CDYL2: variants seen among roughly 807,000 people sequenced by gnomAD.
CDYL2 encodes the protein chromodomain Y-like protein 2.
Under a neutral mutation model 49.4 loss-of-function variants are expected in CDYL2, and 23 were observed. The ratio of observed to expected loss-of-function variants is 0.47; its 90% CI spans 0.34 to 0.66. The LOEUF is 0.66. Among genes scored for constraint, CDYL2 ranks in the 30% least tolerant of loss-of-function variants. The pLI, the probability that CDYL2 is intolerant of heterozygous loss-of-function variation, is 0.01. For missense variants in CDYL2, 678 were observed against 656.4 expected (o/e 1.03, Z -0.36); for synonymous variants, 360 against 268.8 (o/e 1.34, Z -3.32).
chr16:80,759,483 A>G (rs1435251937), intron 1 of CDYL2, among the ~76,000 whole-genome samples: 1 of 152,184 alleles, frequency 6.6e-6, no homozygotes, highest in Non-Finnish European at 1.5e-5. Context: ...TCGATGAGTC[A>G]TGACCAATAT....
intron 1 of CDYL2, among the ~76,000 whole-genome samples, chr16:80,772,363 C>G (rs143268888): frequency 2.0e-5 from 3 of 152,158 alleles, no homozygotes; most frequent in Non-Finnish European, 4.4e-5. Context: ...AAATAAAACA[C>G]TCAAAAACAA....
chr16:80,691,630 T>C (rs942230879), intron 1 of CDYL2, among the ~76,000 whole-genome samples: 6 of 152,176 alleles, frequency 3.9e-5, no homozygotes, highest in Non-Finnish European at 7.3e-5. Context: ...AACATGGTCA[T>C]AAAAATTTTT....
At chr16:80,624,362 T>A (rs1907213242) in intron 3 of CDYL2, among the ~76,000 whole-genome samples, 1 of 152,168 alleles carries the variant, frequency 6.6e-6, no homozygotes, top group South Asian at 2.1e-4. Flanking sequence ...ACTCCATACC[T>A]GCCCTGTATG....
chr16:80,638,043 G>C (rs947079612), intron 2 of CDYL2, among the ~76,000 whole-genome samples: 1 of 151,978 alleles, frequency 6.6e-6, no homozygotes, highest in Admixed American at 6.6e-5. Context: ...TAAGTAAATG[G>C]AGAAATAATC....
chr16:80,744,199 G>A (rs573800530), intron 1 of CDYL2, among the ~76,000 whole-genome samples: 1 of 152,158 alleles, frequency 6.6e-6, no homozygotes, highest in Admixed American at 6.5e-5. Context: ...GTCCAGAGAC[G>A]CAGAAAAGGC....
intron 3 of CDYL2, chr16:80,627,606 G>C (rs533537189): frequency 6.6e-6 from 1 of 152,222 alleles, no homozygotes; most frequent in Admixed American, 6.5e-5. Flanking sequence ...CTTCTTGAAA[G>C]ACCCCAAATT....
At chr16:80,659,513 G>A (rs562726469) in intron 2 of CDYL2, among the ~76,000 whole-genome samples, 2 of 152,026 alleles carry the variant, frequency 1.3e-5, no homozygotes, top group Admixed American at 6.5e-5. Flanking sequence ...ATCCACACTA[G>A]ATATTAAGGG....
intron 1 of CDYL2, among the ~76,000 whole-genome samples, chr16:80,788,358 C>T (rs1352324341): frequency 6.6e-6 from 1 of 151,956 alleles, no homozygotes; most frequent in Non-Finnish European, 1.5e-5. Flanking sequence ...CAAAGAGATG[C>T]TTTCCCATCC....
rs1386833922 is a variant in CDYL2, at chr16:80,651,178, AT to A, written c.617-17943del. 3.3e-5 allele frequency among the ~76,000 whole-genome samples: 5 copies of A among 152,332 alleles called. No homozygotes were observed. The East Asian group carries it at 5.8e-4, about 18-fold the overall frequency. On this transcript the variant is annotated intron_variant, in intron 2 of 6. Coordinates refer to ENST00000570137, the MANE Select transcript of CDYL2 (RefSeq NM_152342.4). ...ATACCCCATTTTCTATGATGTGATT[AT>A]TATGCATTGCATCCCTGTATCAAAA...
rs1908038116 is a variant in CDYL2 at position 80,804,482 on chromosome 16, G to A, written c.-309C>T. 6.9e-6 allele frequency among the ~76,000 whole-genome samples: 1 copy of A among 144,180 alleles called. No homozygotes were observed. Among genetic ancestry groups the A allele is most frequent in the Non-Finnish European group, 1.5e-5 (1 of 65,060 alleles). 94.6% of individuals were successfully genotyped at this position (144,180 alleles called of 152,430 possible). On this transcript the variant is annotated 5_prime_UTR_variant, in exon 1 of 7. Coordinates refer to ENST00000570137, the MANE Select transcript of CDYL2 (RefSeq NM_152342.4). ...GAGGCACGGACGCGGCCCGAGCGCC[G>A]CGGCCCCCGCGACCCGGCGACCCGG...
chr16:80,743,602 C>T (rs572381665), intron 1 of CDYL2, among the ~76,000 whole-genome samples: 2 of 152,320 alleles, frequency 1.3e-5, no homozygotes, highest in African/African-American at 4.8e-5. Context: ...AAACCCCAGA[C>T]ATTGTGAGCT....
At chr16:80,606,650 G>C (rs1906347606) in intron 6 of CDYL2, among the ~76,000 whole-genome samples, 1 of 152,162 alleles carries the variant, frequency 6.6e-6, no homozygotes, top group South Asian at 2.1e-4. Context: ...CCACAACTAA[G>C]GGGCATATGG....
Position 80,684,989 on chromosome 16 carries a change from G to A in CDYL2, c.165C>T (p.Phe55=). 1 of 1,614,144 alleles carries A rather than the reference G, an allele frequency of 6.2e-7. No individual in the cohort carries two copies. Among genetic ancestry groups the A allele is most frequent in the Non-Finnish European group, 8.5e-7 (1 of 1,180,028 alleles). The change falls in exon 2 of 7, where the codon TTC becomes TTT. Residue 55 remains phenylalanine, a synonymous_variant. Coordinates refer to ENST00000570137, the MANE Select transcript of CDYL2 (RefSeq NM_152342.4). ...TGTCCTTGGACATGTGCAACCCATT[G>A]AATTCATCAATAAACTCCTCACAGT... ...LLHCEEFIDE[F]NGLHMSKDKR... is the part of the protein sequence containing the mutation.
At chr16:80,732,101 A>G (rs1905346778) in intron 1 of CDYL2, among the ~76,000 whole-genome samples, 1 of 152,206 alleles carries the variant, frequency 6.6e-6, no homozygotes, top group Admixed American at 6.5e-5. Flanking sequence ...GTCATAATGC[A>G]AATTATGAGA....
chr16:80,777,874 T>C (rs1446208506), intron 1 of CDYL2, among the ~76,000 whole-genome samples: 1 of 152,078 alleles, frequency 6.6e-6, no homozygotes, highest in Non-Finnish European at 1.5e-5. Context: ...AAAACTTGAT[T>C]AAATTAGCAC....
At chr16:80,783,059 C>G (rs538808688) in intron 1 of CDYL2, among the ~76,000 whole-genome samples, 1 of 151,990 alleles carries the variant, frequency 6.6e-6, no homozygotes, top group Non-Finnish European at 1.5e-5. Context: ...TTCTTTAAAA[C>G]TACAATTTGT....
intron 2 of CDYL2, among the ~76,000 whole-genome samples, chr16:80,667,526 CTAT>C (rs1275548435): frequency 1.3e-5 from 2 of 152,188 alleles, no homozygotes; most frequent in Non-Finnish European, 2.9e-5. Flanking sequence ...GTGCCCTTAC[CTAT>C]GGCCCCACAA....
chr16:80,636,630 G>C (rs1256459086), intron 2 of CDYL2, among the ~76,000 whole-genome samples: 1 of 152,168 alleles, frequency 6.6e-6, no homozygotes, highest in African/African-American at 2.4e-5. Context: ...TTCAACCATT[G>C]TGGAAGACAG....
At chr16:80,702,339 C>G (rs1466975345) in intron 1 of CDYL2, among the ~76,000 whole-genome samples, 3 of 151,638 alleles carry the variant, frequency 2.0e-5, no homozygotes, top group Non-Finnish European at 4.4e-5. Flanking sequence ...CACATGTATC[C>G]CATTTTTTAG....
Sources: allele counts gnomAD v4.1 joint callset (sites outside exome capture counted in the v4.1 genomes callset), GRCh38; gene constraint gnomAD v4.1.1; transcripts MANE v1.5; gene names NCBI Gene and HGNC (gene_info 2026-07-23, HGNC 2026-07-21).